Variants in AGBL4 observed in about 807,000 individuals in gnomAD.
The protein encoded by AGBL4 is cytosolic carboxypeptidase 6.
AGBL4 carries 58 observed loss-of-function variants against 66.4 expected under a neutral mutation model. The ratio of observed to expected loss-of-function variants is 0.87; its 90% CI spans 0.71 to 1.09. The LOEUF (loss-of-function observed/expected upper bound fraction) is 1.09, where lower values mean the gene tolerates loss of function less well. Ranked by LOEUF, AGBL4 falls within the 50% of genes least tolerant of loss-of-function variation. The pLI, the probability that AGBL4 is intolerant of heterozygous loss-of-function variation, is 0.00. For missense variants in AGBL4, 579 were observed against 631.0 expected, an observed-to-expected ratio of 0.92 and a Z score of 0.88; for synonymous variants, 234 against 222.9, an observed-to-expected ratio of 1.05 and a Z score of -0.44.
intron 3 of AGBL4, among the ~76,000 whole-genome samples, chr1:49,521,687 C>T (rs892281332): frequency 2.6e-5 from 4 of 151,932 alleles, no homozygotes; most frequent in African/African-American, 4.8e-5. Flanking sequence ...AAACATAAGA[C>T]CCCCAACCTA....
At chr1:50,018,907 A>G (rs1345683069) in intron 1 of AGBL4, among the ~76,000 whole-genome samples, 1 of 152,130 alleles carries the variant, frequency 6.6e-6, no homozygotes, top group Non-Finnish European at 1.5e-5. Flanking sequence ...AAATGAATAA[A>G]ATTATGTAAG....
At chr1:48,667,544 C>T (rs1377225292) in intron 6 of AGBL4, among the ~76,000 whole-genome samples, 1 of 152,260 alleles carries the variant, frequency 6.6e-6, no homozygotes, top group African/African-American at 2.4e-5. Context: ...GCTGTTCCCA[C>T]ATTCTTGACC....
intron 11 of AGBL4, among the ~76,000 whole-genome samples, chr1:48,556,619 C>T (rs547829653): frequency 2.6e-5 from 4 of 152,328 alleles, no homozygotes; most frequent in Admixed American, 6.5e-5. Context: ...ATTCTTCAGA[C>T]GTCAGCTCCA....
intron 11 of AGBL4, among the ~76,000 whole-genome samples, chr1:48,566,909 G>A (rs1254358258): frequency 2.6e-5 from 4 of 152,166 alleles, no homozygotes; most frequent in East Asian, 1.9e-4. Flanking sequence ...TGGGAGGATC[G>A]CTTGAGGTCA....
chr1:49,955,813 T>C (rs1172776288), intron 1 of AGBL4, among the ~76,000 whole-genome samples: 2 of 151,816 alleles, frequency 1.3e-5, no homozygotes, highest in Admixed American at 6.6e-5. Flanking sequence ...GAAAAAAAAG[T>C]ACAATGCAAT....
intron 8 of AGBL4, among the ~76,000 whole-genome samples, chr1:48,650,756 AGGGAGGAT>A (rs1238115839): frequency 6.6e-6 from 1 of 152,188 alleles, no homozygotes; most frequent in African/African-American, 2.4e-5. Flanking sequence ...CACTGGTTAC[AGGGAGGAT>A]GTGGACCCCC....
chr1:49,311,722 T>G (rs1039433075), intron 3 of AGBL4, among the ~76,000 whole-genome samples: 1 of 152,048 alleles, frequency 6.6e-6, no homozygotes, highest in Admixed American at 6.6e-5. Flanking sequence ...TTCAAAGATA[T>G]TTTTAGAATA....
At chr1:50,000,850 C>T (rs1253199452) in intron 1 of AGBL4, among the ~76,000 whole-genome samples, 1 of 151,860 alleles carries the variant, frequency 6.6e-6, no homozygotes, top group Non-Finnish European at 1.5e-5. Flanking sequence ...TAAGTAGGAA[C>T]TAAGATATGA....
At chr1:50,016,659 C>G (rs1256023432) in intron 1 of AGBL4, among the ~76,000 whole-genome samples, 1 of 152,136 alleles carries the variant, frequency 6.6e-6, no homozygotes, top group Non-Finnish European at 1.5e-5. Flanking sequence ...GCTCAGCACA[C>G]ACATACATGC....
intron 5 of AGBL4, among the ~76,000 whole-genome samples, chr1:48,954,909 A>G (rs955888728): frequency 6.6e-6 from 1 of 152,214 alleles, no homozygotes; most frequent in Non-Finnish European, 1.5e-5. Context: ...TGAGAATTAT[A>G]TCAGATAATG....
intron 1 of AGBL4, among the ~76,000 whole-genome samples, chr1:49,939,104 T>C (rs1371201552): frequency 6.6e-6 from 1 of 152,130 alleles, no homozygotes; most frequent in African/African-American, 2.4e-5. Context: ...CATTCACAAT[T>C]GCTTCAAAGA....
chr1:49,381,721 T>C (rs1644615444), intron 3 of AGBL4, among the ~76,000 whole-genome samples: 1 of 151,804 alleles, frequency 6.6e-6, no homozygotes, highest in Non-Finnish European at 1.5e-5. Context: ...TTGGAAATCA[T>C]CATTCTCAGT....
At chr1:49,396,214 A>C (rs964288347) in intron 3 of AGBL4, among the ~76,000 whole-genome samples, 1 of 152,016 alleles carries the variant, frequency 6.6e-6, no homozygotes, top group Non-Finnish European at 1.5e-5. Flanking sequence ...GCATCTTGGA[A>C]TGTGTGTGCC....
chr1:49,547,173 T>G (rs1652557902), intron 3 of AGBL4, among the ~76,000 whole-genome samples: 1 of 152,236 alleles, frequency 6.6e-6, no homozygotes, highest in Admixed American at 6.5e-5. Context: ...TTGTGTTGAT[T>G]TTTTAATAAG....
At chr1:49,962,198 G>C (rs1355237085) in intron 1 of AGBL4, among the ~76,000 whole-genome samples, 4 of 152,142 alleles carry the variant, frequency 2.6e-5, no homozygotes, top group African/African-American at 9.7e-5. Flanking sequence ...AGGGAATCAT[G>C]CTGTGTAGTA....
chr1:48,894,608 T>TGATGTA (rs1651320579), intron 5 of AGBL4, among the ~76,000 whole-genome samples: 1 of 152,010 alleles, frequency 6.6e-6, no homozygotes, highest in Non-Finnish European at 1.5e-5. Context: ...TAATATCTGA[T>TGATGTA]GATGTAGTAT....
At position 49,714,593 on chromosome 1, in the gene AGBL4, T is replaced by TATATATATATATAC. The variant is rs1491300456; in HGVS notation, c.158-17157_158-17156insGTATATATATATAT. Among the ~76,000 whole-genome samples the TATATATATATATAC allele has an allele frequency of 4.0e-3, 461 of 113,884 alleles. 3 individuals are homozygous for TATATATATATATAC. The highest frequency in any genetic ancestry group is 0.014 in the African/African-American group (441 of 31,600). 74.7% of individuals were successfully genotyped at this position (113,884 alleles called of 152,430 possible). On this transcript the variant is annotated intron_variant, in intron 2 of 13. Transcript: ENST00000371839. ...ACATATATATATATATATATATATATACACACACACACATATATATATATC... is the reference window on the plus strand; with the variant it reads ...ACATATATATATATATATATATATATATATATATATATACACACACACACACATATATATATATC...
chr1:49,940,842 A>G (rs867599614), intron 1 of AGBL4, among the ~76,000 whole-genome samples: 6 of 152,242 alleles, frequency 3.9e-5, no homozygotes, highest in Middle Eastern at 3.4e-3. Context: ...CCTAAAACTT[A>G]AAGTATAATA....
chr1:48,646,805 A>T (rs149447745), intron 8 of AGBL4, among the ~76,000 whole-genome samples: 8 of 151,848 alleles, frequency 5.3e-5, no homozygotes, highest in African/African-American at 1.9e-4. Flanking sequence ...ATGTGCTTCA[A>T]CCTCCCCCTC....
Sources: gnomAD v4.1 joint callset for allele counts (sites outside exome capture counted in the v4.1 genomes callset) on GRCh38, gnomAD v4.1.1 for gene constraint, MANE v1.5 for transcripts, NCBI Gene and HGNC (gene_info 2026-07-23, HGNC 2026-07-21) for gene names.